RPS6KC1: variants seen among roughly 807,000 people sequenced by gnomAD.
The protein encoded by RPS6KC1 is inactive ribosomal protein S6 kinase delta-1.
A neutral mutation model predicts 103.8 loss-of-function variants in RPS6KC1; 54 were observed. The ratio of observed to expected loss-of-function variants is 0.52; its 90% CI spans 0.42 to 0.65. The LOEUF is 0.65. Ranked by LOEUF, RPS6KC1 falls within the 30% of genes least tolerant of loss-of-function variation. The probability of loss-of-function intolerance (pLI) is 0.00; values close to 1 mark genes in which losing one functional copy is unlikely to be tolerated. For missense variants in RPS6KC1, 1,151 were observed against 1,253.8 expected, an observed-to-expected ratio of 0.92 and a Z score of 1.24; for synonymous variants, 439 against 438.7, an observed-to-expected ratio of 1.00 and a Z score of -0.01.
chr1:213,410,594 C>T, the RPS6KC1 span, among the ~76,000 whole-genome samples: 1 of 152,144 alleles, frequency 6.6e-6, no homozygotes, highest in Non-Finnish European at 1.5e-5. Context: ...GGGAGTCCAG[C>T]TCAAAAGATG....
the RPS6KC1 span, among the ~76,000 whole-genome samples, chr1:213,479,332 A>G: frequency 6.6e-6 from 1 of 152,026 alleles, no homozygotes; most frequent in Admixed American, 6.5e-5. Flanking sequence ...GATTGTGTCA[A>G]TTTACACAAG....
At chr1:213,802,020 A>AT in the RPS6KC1 span, among the ~76,000 whole-genome samples, 1 of 152,170 alleles carries the variant, frequency 6.6e-6, no homozygotes, top group Admixed American at 6.5e-5. Context: ...ATACTCAGTT[A>AT]TTTTTTTCAC....
chr1:213,339,277 AAAAT>A, the RPS6KC1 span, among the ~76,000 whole-genome samples: 2 of 152,046 alleles, frequency 1.3e-5, no homozygotes, highest in Admixed American at 6.6e-5. Context: ...AAAAAATAAG[AAAAT>A]AAATAAATAA....
At chr1:213,108,180 G>A (rs933577669) in intron 4 of RPS6KC1, among the ~76,000 whole-genome samples, 2 of 151,992 alleles carry the variant, frequency 1.3e-5, no homozygotes, top group Admixed American at 6.6e-5. Flanking sequence ...AACTTTTCGA[G>A]TATCCCAAGA....
the RPS6KC1 span, among the ~76,000 whole-genome samples, chr1:213,628,917 T>G: frequency 1.3e-5 from 2 of 152,168 alleles, no homozygotes; most frequent in African/African-American, 4.8e-5. Flanking sequence ...TAACCCTGAG[T>G]TCTGGTTTGA....
chr1:213,298,919 A>G, the RPS6KC1 span, among the ~76,000 whole-genome samples: 1 of 152,082 alleles, frequency 6.6e-6, no homozygotes, highest in Non-Finnish European at 1.5e-5. Flanking sequence ...TATTTTGTTC[A>G]TGAACTTTCA....
the RPS6KC1 span, among the ~76,000 whole-genome samples, chr1:213,562,887 C>A: frequency 6.6e-6 from 1 of 151,796 alleles, no homozygotes; most frequent in African/African-American, 2.4e-5. Context: ...TGGTCTTGAA[C>A]TCCTGGCCTG....
At chr1:213,453,675 T>C in the RPS6KC1 span, among the ~76,000 whole-genome samples, 1 of 152,114 alleles carries the variant, frequency 6.6e-6, no homozygotes, top group Non-Finnish European at 1.5e-5. Context: ...GTAAGCACTT[T>C]GGGGTAACAG....
chr1:213,066,987 C>T (rs1439921071), intron 1 of RPS6KC1, among the ~76,000 whole-genome samples: 1 of 152,186 alleles, frequency 6.6e-6, no homozygotes, highest in African/African-American at 2.4e-5. Context: ...TTAATACATA[C>T]CAGATTGCCT....
At chr1:213,602,106 T>C in the RPS6KC1 span, among the ~76,000 whole-genome samples, 1 of 34,654 alleles carries the variant, frequency 2.9e-5, no homozygotes, top group Admixed American at 3.3e-4. Flanking sequence ...CTTTCTTTCT[T>C]TCTTTCTTTC....
At chr1:213,397,549 G>C in the RPS6KC1 span, among the ~76,000 whole-genome samples, 1 of 150,890 alleles carries the variant, frequency 6.6e-6, no homozygotes, top group Non-Finnish European at 1.5e-5. Flanking sequence ...AATCTGGGGT[G>C]TGAGGGGTGC....
At chr1:213,326,062 C>G in the RPS6KC1 span, among the ~76,000 whole-genome samples, 2 of 152,094 alleles carry the variant, frequency 1.3e-5, no homozygotes, top group Admixed American at 6.5e-5. Flanking sequence ...TCTGTTTTGC[C>G]CATTCAAGAA....
At chr1:213,404,954 G>A in the RPS6KC1 span, among the ~76,000 whole-genome samples, 3 of 152,294 alleles carry the variant, frequency 2.0e-5, no homozygotes, top group African/African-American at 7.2e-5. Context: ...AATGGGGTGG[G>A]GACAGATTGT....
chr1:213,214,501 C>T (rs1470357090), intron 8 of RPS6KC1, among the ~76,000 whole-genome samples: 1 of 152,224 alleles, frequency 6.6e-6, no homozygotes, highest in Non-Finnish European at 1.5e-5. Context: ...ACTTAAATGT[C>T]CCTGTCTGAC....
At chr1:213,485,597 T>G in the RPS6KC1 span, among the ~76,000 whole-genome samples, 5 of 152,112 alleles carry the variant, frequency 3.3e-5, no homozygotes, top group African/African-American at 1.2e-4. Flanking sequence ...GCTCAAGTAT[T>G]TGTTGAAAGA....
chr1:213,811,182 T>A, the RPS6KC1 span, among the ~76,000 whole-genome samples: 1 of 152,248 alleles, frequency 6.6e-6, no homozygotes, highest in Non-Finnish European at 1.5e-5. Flanking sequence ...TTTGCTAGAA[T>A]GAGGCAATTA....
chr1:213,792,647 G>A, the RPS6KC1 span, among the ~76,000 whole-genome samples: 1 of 152,120 alleles, frequency 6.6e-6, no homozygotes, highest in Non-Finnish European at 1.5e-5. Context: ...TGGGCGAGTG[G>A]CATAAGAAAT....
the RPS6KC1 span, among the ~76,000 whole-genome samples, chr1:213,854,834 C>T: frequency 6.6e-6 from 1 of 152,184 alleles, no homozygotes; most frequent in Admixed American, 6.5e-5. Context: ...CAGCCCATGC[C>T]CCGCCTTATC....
At chr1:213,275,297 G>A (rs1260298792), downstream of RPS6KC1, among the ~76,000 whole-genome samples, 1 of 152,070 alleles carries the variant, frequency 6.6e-6, no homozygotes, top group Non-Finnish European at 1.5e-5. Context: ...TCTGCTTTCT[G>A]TCATTCAATT....
Sources: gnomAD v4.1 joint callset for allele counts (sites outside exome capture counted in the v4.1 genomes callset) on GRCh38, gnomAD v4.1.1 for gene constraint, MANE v1.5 for transcripts, NCBI Gene and HGNC (gene_info 2026-07-23, HGNC 2026-07-21) for gene names.